The following GPHN variants were observed in gnomAD, a reference collection of about 807,000 sequenced individuals.
The protein encoded by GPHN is gephyrin.
Under a neutral mutation model 95.5 loss-of-function variants are expected in GPHN, and 17 were observed. The observed-to-expected ratio is 0.18, with a 90% CI of 0.12 to 0.27. GPHN has a LOEUF of 0.27. GPHN is among the 10% of genes least tolerant of loss of function. The pLI is 1.00. For synonymous variants in GPHN, 320 were observed against 322.5 expected (o/e 0.99, Z 0.08); for missense variants, 660 against 978.1 (o/e 0.67, Z 4.34).
chr14:67,039,296 T>G (rs890537983), intron 10 of GPHN, among the ~76,000 whole-genome samples: 18 of 152,224 alleles, frequency 1.2e-4, no homozygotes. Context: ...CTTTTCTCAT[T>G]GTTTAAAGAT....
intron 1 of GPHN, among the ~76,000 whole-genome samples, chr14:66,552,705 A>G (rs952194784): frequency 1.9e-4 from 29 of 152,140 alleles, no homozygotes; most frequent in African/African-American, 7.0e-4. Context: ...ATAAAATTCT[A>G]GGTCGATAGC....
chr14:66,837,440 G>T (rs1242484435), intron 4 of GPHN, among the ~76,000 whole-genome samples: 6 of 106,084 alleles, frequency 5.7e-5, no homozygotes. Flanking sequence ...TCTGGGGACT[G>T]TTGTGGGGTG....
At chr14:66,703,649 G>C (rs1211805841) in intron 2 of GPHN, among the ~76,000 whole-genome samples, 4 of 91,328 alleles carry the variant, frequency 4.4e-5, no homozygotes, top group African/African-American at 2.0e-4. Context: ...ACTAAATACG[G>C]AAAGGAAAAA....
At chr14:66,743,576 A>C (rs1187294154) in intron 2 of GPHN, among the ~76,000 whole-genome samples, 1 of 151,976 alleles carries the variant, frequency 6.6e-6, no homozygotes, top group Non-Finnish European at 1.5e-5. Flanking sequence ...CTCTAGTAAA[A>C]AAAAATACAA....
the GPHN span, chr14:67,395,434 G>A: frequency 3.1e-6 from 5 of 1,614,000 alleles, no homozygotes; most frequent in Non-Finnish European, 4.2e-6. Context: ...GCTTGAAGGA[G>A]TTTCTCAGGC....
the GPHN span, among the ~76,000 whole-genome samples, chr14:67,236,332 C>T: frequency 6.6e-6 from 1 of 152,186 alleles, no homozygotes; most frequent in Non-Finnish European, 1.5e-5. Context: ...ACTGTTCCCA[C>T]CCGCACCTTC....
At chr14:67,471,938 G>A in the GPHN span, 4 of 152,304 alleles carry the variant, frequency 2.6e-5, no homozygotes, top group South Asian at 4.1e-4. Flanking sequence ...ACTTTCTAAC[G>A]GACCCTTCCC....
At chr14:67,183,199 G>A (rs1009990971), downstream of GPHN, among the ~76,000 whole-genome samples, 57 of 152,162 alleles carry the variant, frequency 3.7e-4, no homozygotes, top group African/African-American at 1.4e-3. Context: ...GAAATGTGCT[G>A]AGAGCAGTGC....
intron 21 of GPHN, among the ~76,000 whole-genome samples, chr14:67,170,845 C>T: frequency 6.6e-6 from 1 of 152,202 alleles, no homozygotes; most frequent in East Asian, 1.9e-4. Context: ...CATATACTTC[C>T]TTGAAACGTG....
the GPHN span, among the ~76,000 whole-genome samples, chr14:67,700,714 CAA>C: frequency 9.9e-5 from 10 of 101,090 alleles, no homozygotes; most frequent in Non-Finnish European, 1.4e-4. Flanking sequence ...GACTCCATCT[CAA>C]AAAAAAAAAA....
intron 2 of GPHN, among the ~76,000 whole-genome samples, chr14:66,712,780 C>T (rs1180046547): frequency 6.6e-6 from 1 of 152,182 alleles, no homozygotes; most frequent in Non-Finnish European, 1.5e-5. Flanking sequence ...GAAGTGTCCT[C>T]TGATCACTGC....
At chr14:67,103,405 T>C (rs1457418951) in intron 13 of GPHN, among the ~76,000 whole-genome samples, 1 of 152,112 alleles carries the variant, frequency 6.6e-6, no homozygotes, top group Non-Finnish European at 1.5e-5. Context: ...GTCATTGGTA[T>C]TTTTATAGGA....
rs201968396 is a variant in GPHN at position 67,055,458 on chromosome 14, CTGT to C, written c.1007-3188_1007-3186del. The stretch of plus-strand genomic sequence containing the variant: ...GTGGAGAAATGGGAACTCTTTTACA[CTGT>C]TGGTAGTTCAACCATTGTGGAAGAC... On this transcript the variant is annotated intron_variant, in intron 10 of 22. Coordinates refer to ENST00000478722, the MANE Select transcript of GPHN (RefSeq NM_020806.5). Among the ~76,000 whole-genome samples the C allele has an allele frequency of 1.9e-3, 287 of 152,230 alleles. 1 individual carries two copies. The highest frequency in any genetic ancestry group is 8.9e-3 in the East Asian group (46 of 5,184).
rs188856689 is a variant in GPHN at position 67,048,359 on chromosome 14, G to T, written c.1007-10290G>T. Among the ~76,000 whole-genome samples, 227 of 152,230 alleles carry T rather than the reference G, an allele frequency of 1.5e-3. 2 individuals carry two copies. Among genetic ancestry groups the T allele is most frequent in the Admixed American group, 4.4e-3 (67 of 15,286 alleles). On this transcript the variant is annotated intron_variant, in intron 10 of 22. Transcript: ENST00000478722. ...TGCAAAAATTCTGAACTAAAATATA[G>T]TCAACCTCATCTCTGGACTAAACTG...
the GPHN span, chr14:67,650,760 C>A: frequency 6.2e-7 from 1 of 1,614,112 alleles, no homozygotes; most frequent in South Asian, 1.1e-5. Flanking sequence ...CCTCAGTTGG[C>A]CACCTCAGAG....
the GPHN span, among the ~76,000 whole-genome samples, chr14:67,689,704 G>A: frequency 6.6e-6 from 1 of 152,310 alleles, no homozygotes; most frequent in African/African-American, 2.4e-5. Flanking sequence ...AGCACTCTGG[G>A]AGGCCAAGGT....
chr14:67,374,454 A>T, the GPHN span: 2 of 1,562,012 alleles, frequency 1.3e-6, no homozygotes, highest in Admixed American at 3.5e-5. Context: ...TTTTTTCACA[A>T]TTTTTTTGTA....
At chr14:66,514,909 A>C (rs1555370962) in intron 1 of GPHN, among the ~76,000 whole-genome samples, 1 of 151,994 alleles carries the variant, frequency 6.6e-6, no homozygotes, top group Non-Finnish European at 1.5e-5. Flanking sequence ...AAAGGATAGA[A>C]CTTTGGAGTC....
At chr14:67,365,056 T>G in the GPHN span, 7 of 1,515,722 alleles carry the variant, frequency 4.6e-6, no homozygotes, top group Non-Finnish European at 6.2e-6. Context: ...TTAAAATGGT[T>G]TATTTAAAAA....
Sources: gnomAD v4.1 joint callset for allele counts (sites outside exome capture counted in the v4.1 genomes callset) on GRCh38, gnomAD v4.1.1 for gene constraint, MANE v1.5 for transcripts, NCBI Gene and HGNC (gene_info 2026-07-23, HGNC 2026-07-21) for gene names.